The following PPTC7 variants were observed in gnomAD, a reference collection of about 807,000 sequenced individuals.
PPTC7 encodes protein phosphatase PTC7 homolog.
PPTC7 carries 6 observed loss-of-function variants against 30.8 expected under a neutral mutation model. The ratio of observed to expected loss-of-function variants is 0.19; its 90% CI spans 0.11 to 0.38. PPTC7 has a LOEUF of 0.38. Among genes scored for constraint, PPTC7 ranks in the 10% least tolerant of loss-of-function variants. The pLI, the probability that PPTC7 is intolerant of heterozygous loss-of-function variation, is 1.00. For synonymous variants in PPTC7, 163 were observed against 168.1 expected (o/e 0.97, Z 0.23); for missense variants, 218 against 404.8 (o/e 0.54, Z 3.96).
In PPTC7 at chr12:110,583,164, C is replaced by T. The variant is rs1423675019; in HGVS notation, c.-133G>A. On this transcript the variant is annotated 5_prime_UTR_variant, in exon 1 of 6. Transcript: ENST00000354300. The stretch of plus-strand genomic sequence containing the variant: ...CCTCAGGGCGGCGCGCAGTGGCCGC[C>T]GCCGCCCCTGCCCGACGCGCGGGGC... 2.4e-5 allele frequency: 12 copies of T among 492,896 alleles called. No homozygotes were observed. Among genetic ancestry groups the T allele is most frequent in the Non-Finnish European group, 2.9e-6 (1 of 345,140 alleles). 30.5% of individuals were successfully genotyped at this position (492,896 alleles called of 1,614,324 possible).
At chr12:110,573,392 C>T (rs2064556345) in intron 1 of PPTC7, among the ~76,000 whole-genome samples, 2 of 152,122 alleles carry the variant, frequency 1.3e-5, no homozygotes, top group Non-Finnish European at 2.9e-5. Flanking sequence ...GAATATGATG[C>T]AGTTATGCTT....
At chr12:110,550,216 G>A (rs1401308167) in intron 2 of PPTC7, among the ~76,000 whole-genome samples, 2 of 151,298 alleles carry the variant, frequency 1.3e-5, no homozygotes, top group Admixed American at 1.3e-4. Context: ...ACGCTAAACA[G>A]GGGCTGATTT....
Position 110,535,758 on chromosome 12 carries a change from C to G in PPTC7, c.*1279G>C, listed in dbSNP as rs1362429197. 1 of 152,588 alleles carries G rather than the reference C, an allele frequency of 6.6e-6. No homozygotes were observed. The highest frequency in any genetic ancestry group is 6.5e-5 in the Admixed American group (1 of 15,268). The allele number at this position is 152,588 out of a possible 1,614,324, so 9.5% of individuals were successfully genotyped here. ...ACTGACCCAAAAATATATATCTTTA[C>G]AGCAGTCAACTTGTACACAAAACTT... On this transcript the variant is annotated 3_prime_UTR_variant, in exon 6 of 6. Coordinates refer to ENST00000354300, the MANE Select transcript of PPTC7 (RefSeq NM_139283.2).
chr12:110,566,367 T>C (rs912501399), intron 1 of PPTC7, among the ~76,000 whole-genome samples: 2 of 152,196 alleles, frequency 1.3e-5, no homozygotes, highest in African/African-American at 4.8e-5. Flanking sequence ...GGAAAGGCAG[T>C]GTGGGATACT....
chr12:110,582,746 G>T, intron 1 of PPTC7, 63 bp downstream of exon 1: 1 of 1,372,882 alleles, frequency 7.3e-7, no homozygotes, highest in Non-Finnish European at 9.8e-7. Flanking sequence ...GGGAAGCCCC[G>T]CGCGGGGAGT....
intron 2 of PPTC7, among the ~76,000 whole-genome samples, chr12:110,547,991 C>T (rs2064321442): frequency 6.6e-6 from 1 of 151,992 alleles, no homozygotes; most frequent in Non-Finnish European, 1.5e-5. Flanking sequence ...CCTGTAATCC[C>T]AGCTACTTCG....
At chr12:110,565,070 T>G (rs1401429832) in intron 1 of PPTC7, among the ~76,000 whole-genome samples, 2 of 151,264 alleles carry the variant, frequency 1.3e-5, no homozygotes, top group African/African-American at 2.4e-5. Context: ...GAGACGGGGT[T>G]TCACCATGTC....
chr12:110,579,967 G>A (rs983767954), intron 1 of PPTC7, among the ~76,000 whole-genome samples: 57 of 151,868 alleles, frequency 3.8e-4, no homozygotes, highest in African/African-American at 1.4e-3. Flanking sequence ...GAGCCGAGAT[G>A]GCGCCATTGC....
intron 5 of PPTC7, among the ~76,000 whole-genome samples, chr12:110,537,406 T>C (rs563664941): frequency 2.8e-4 from 42 of 152,312 alleles, no homozygotes; most frequent in Non-Finnish European, 5.7e-4. Flanking sequence ...GAAAGTTACA[T>C]GCTTCTATAC....
intron 1 of PPTC7, among the ~76,000 whole-genome samples, chr12:110,552,593 G>A (rs1241785516): frequency 3.3e-5 from 5 of 152,320 alleles, no homozygotes; most frequent in Non-Finnish European, 2.9e-5. Flanking sequence ...GGCCGGGCGC[G>A]GTGGCTCACG....
intron 1 of PPTC7, among the ~76,000 whole-genome samples, chr12:110,580,566 C>T (rs2064628138): frequency 1.3e-5 from 2 of 152,118 alleles, no homozygotes; most frequent in South Asian, 4.1e-4. Context: ...TCTCGAACTC[C>T]TAACCTCAGG....
intron 3 of PPTC7, 62 bp downstream of exon 3, chr12:110,545,818 C>A: frequency 6.8e-7 from 1 of 1,461,394 alleles, no homozygotes; most frequent in East Asian, 2.3e-5. Context: ...TCAAGGGGGA[C>A]AGGAGGGGAC....
At chr12:110,579,802 T>C (rs111612251) in intron 1 of PPTC7, among the ~76,000 whole-genome samples, 25,336 of 151,992 alleles carry the variant, frequency 0.17, 3,267 homozygotes, top group African/African-American at 0.36. Flanking sequence ...CACCTGGGGT[T>C]AGGAGTTCGA....
intron 1 of PPTC7, among the ~76,000 whole-genome samples, chr12:110,573,130 T>C (rs771925696): frequency 1.3e-4 from 20 of 152,302 alleles, no homozygotes; most frequent in Non-Finnish European, 2.1e-4. Flanking sequence ...TCCACCTACT[T>C]TGGCCTCCCA....
rs182902605 is a variant in PPTC7 at position 110,545,249 on chromosome 12, C to A, written c.602+631G>T. ...CTGGGACTACAGGCGCCCGCCATCACGCCCAGCTAATTTTTGCATTTTTAG... is the reference window on the plus strand; with the variant it reads ...CTGGGACTACAGGCGCCCGCCATCAAGCCCAGCTAATTTTTGCATTTTTAG... On this transcript the variant is annotated intron_variant, in intron 3 of 5. Transcript: ENST00000354300. 2.0e-5 allele frequency among the ~76,000 whole-genome samples: 3 copies of A among 152,122 alleles called. No homozygotes were observed. The East Asian group carries it at 5.8e-4, about 29-fold the overall frequency.
chr12:110,578,983 T>TA (rs930212738), intron 1 of PPTC7, among the ~76,000 whole-genome samples: 4 of 151,960 alleles, frequency 2.6e-5, no homozygotes, highest in Non-Finnish European at 4.4e-5. Context: ...TCATCTCTAC[T>TA]AAAAAAATAC....
chr12:110,547,691 A>C (rs2135768311), intron 2 of PPTC7, among the ~76,000 whole-genome samples: 1 of 152,320 alleles, frequency 6.6e-6, no homozygotes, highest in African/African-American at 2.4e-5. Flanking sequence ...TGATGGTTAA[A>C]AGGAAAACAA....
chr12:110,552,164 G>A (rs1372797648), intron 1 of PPTC7, among the ~76,000 whole-genome samples, 196 bp from the exon 2 acceptor site: 1 of 152,144 alleles, frequency 6.6e-6, no homozygotes, highest in African/African-American at 2.4e-5. Context: ...CTTAGAATTT[G>A]GCCTTTCATA....
chr12:110,561,876 T>A (rs544724081), intron 1 of PPTC7, among the ~76,000 whole-genome samples: 10 of 152,104 alleles, frequency 6.6e-5, no homozygotes, highest in African/African-American at 2.2e-4. Flanking sequence ...GAAGGATCAC[T>A]TGAGCCCGGG....
Sources: allele counts gnomAD v4.1 joint callset (sites outside exome capture counted in the v4.1 genomes callset), GRCh38; gene constraint gnomAD v4.1.1; transcripts MANE v1.5; gene names NCBI Gene and HGNC (gene_info 2026-07-23, HGNC 2026-07-21).